Variants in MAPK10 observed in about 807,000 individuals in gnomAD.
The protein encoded by MAPK10 is JNK3 alpha protein kinase.
MAPK10 carries 25 observed loss-of-function variants against 59.3 expected under a neutral mutation model. That is an observed-to-expected ratio of 0.42 (90% confidence interval 0.31 to 0.59). The LOEUF is 0.59. Ranked by LOEUF, MAPK10 falls within the 20% of genes least tolerant of loss-of-function variation. MAPK10 has a pLI of 0.15. For missense variants in MAPK10, 351 were observed against 568.9 expected, an observed-to-expected ratio of 0.62 and a Z score of 3.90; for synonymous variants, 190 against 200.5, an observed-to-expected ratio of 0.95 and a Z score of 0.44.
At position 86,276,024 on chromosome 4, in the gene MAPK10, T is replaced by C. The variant is rs146989133; in HGVS notation, c.-7+78506A>G. Among the ~76,000 whole-genome samples the C allele has an allele frequency of 5.8e-3, 887 of 152,248 alleles. 8 individuals carry two copies. The highest frequency in any genetic ancestry group is 0.02 in the African/African-American group (835 of 41,580). On this transcript the variant is annotated intron_variant, in intron 2 of 13. Coordinates refer to ENST00000641462, the MANE Select transcript of MAPK10 (RefSeq NM_138982.4). ...GAATCCACAAGTTGTTTAATAAGTA[T>C]TGTAACATTGAAAACATACTTTTGA...
intron 1 of MAPK10, among the ~76,000 whole-genome samples, chr4:86,530,882 C>G (rs1757800449): frequency 6.6e-6 from 1 of 152,096 alleles, no homozygotes; most frequent in Non-Finnish European, 1.5e-5. Flanking sequence ...ACAGAAATGT[C>G]TTTTTTGAAC....
At chr4:86,456,133 A>C (rs1379369011), upstream of MAPK10, among the ~76,000 whole-genome samples, 1 of 152,192 alleles carries the variant, frequency 6.6e-6, no homozygotes, top group Non-Finnish European at 1.5e-5. Flanking sequence ...ACAACCTTTC[A>C]AAACCTCTGG....
chr4:86,581,349 G>T (rs1479536671), intron 1 of MAPK10, among the ~76,000 whole-genome samples: 4 of 151,658 alleles, frequency 2.6e-5, no homozygotes, highest in Non-Finnish European at 5.9e-5. Context: ...AATAATAAAA[G>T]TAAATTCAAT....
intron 4 of MAPK10, among the ~76,000 whole-genome samples, chr4:86,144,454 T>C (rs1016304938): frequency 6.6e-6 from 1 of 152,044 alleles, no homozygotes; most frequent in Admixed American, 6.6e-5. Context: ...AGTTAAAGAG[T>C]ATAGAAGAAC....
At chr4:86,349,230 C>T (rs1249315142) in intron 2 of MAPK10, among the ~76,000 whole-genome samples, 1 of 152,206 alleles carries the variant, frequency 6.6e-6, no homozygotes, top group Non-Finnish European at 1.5e-5. Context: ...GACTCTCTGC[C>T]AGGCTGCCTT....
chr4:86,081,980 A>G (rs572620659), intron 9 of MAPK10: 28 of 152,316 alleles, frequency 1.8e-4, no homozygotes, highest in African/African-American at 6.5e-4. Flanking sequence ...TCAGCAATGA[A>G]AATGAGTTAA....
At chr4:86,172,377 T>C (rs2074459998) in intron 3 of MAPK10, among the ~76,000 whole-genome samples, 1 of 149,616 alleles carries the variant, frequency 6.7e-6, no homozygotes, top group African/African-American at 2.5e-5. Context: ...ATATACACCA[T>C]GGAATACTAT....
At chr4:86,048,863 T>C (rs1258385835) in intron 11 of MAPK10, among the ~76,000 whole-genome samples, 1 of 152,112 alleles carries the variant, frequency 6.6e-6, no homozygotes, top group Non-Finnish European at 1.5e-5. Context: ...TATACATACT[T>C]TTTGTTACAA....
intron 1 of MAPK10, among the ~76,000 whole-genome samples, chr4:86,584,001 G>T (rs767821721): frequency 7.9e-5 from 12 of 152,154 alleles, no homozygotes; most frequent in Non-Finnish European, 1.3e-4. Flanking sequence ...TTGGTTAAAA[G>T]ACAGGTAATG....
intron 1 of MAPK10, among the ~76,000 whole-genome samples, chr4:86,577,219 G>A (rs1439292658): frequency 6.6e-6 from 1 of 152,078 alleles, no homozygotes; most frequent in Non-Finnish European, 1.5e-5. Context: ...GCTGAGGTAG[G>A]AGGATTGCTT....
At chr4:86,425,834 G>A (rs1336323574) in intron 1 of MAPK10, among the ~76,000 whole-genome samples, 1 of 152,164 alleles carries the variant, frequency 6.6e-6, no homozygotes, top group African/African-American at 2.4e-5. Context: ...AGCTGGGCAT[G>A]GTGGCACATG....
chr4:86,416,252 C>A (rs1283829083), intron 1 of MAPK10, among the ~76,000 whole-genome samples: 1 of 152,206 alleles, frequency 6.6e-6, no homozygotes, highest in Non-Finnish European at 1.5e-5. Flanking sequence ...CATCTGCAAG[C>A]CAAGGAGAGA....
At chr4:86,384,874 CTAAA>C (rs1213231328) in intron 1 of MAPK10, among the ~76,000 whole-genome samples, 5 of 151,942 alleles carry the variant, frequency 3.3e-5, no homozygotes, top group African/African-American at 1.2e-4. Flanking sequence ...CAACTTTCAT[CTAAA>C]CTAGAGAGAA....
chr4:86,394,341 T>C (rs1742638033), intron 1 of MAPK10, among the ~76,000 whole-genome samples: 1 of 152,000 alleles, frequency 6.6e-6, no homozygotes, highest in Non-Finnish European at 1.5e-5. Context: ...CAAATAAAAA[T>C]ATGTCATACT....
At chr4:86,534,783 G>C (rs1033347772) in intron 1 of MAPK10, among the ~76,000 whole-genome samples, 2 of 152,032 alleles carry the variant, frequency 1.3e-5, no homozygotes, top group African/African-American at 4.8e-5. Context: ...GCACACACCT[G>C]TAATCCCAGC....
chr4:86,065,786 C>A (rs945757884), intron 10 of MAPK10, among the ~76,000 whole-genome samples: 2 of 152,104 alleles, frequency 1.3e-5, no homozygotes, highest in Non-Finnish European at 2.9e-5. Flanking sequence ...TTTATTCTAA[C>A]TATATGGTAA....
chr4:86,561,723 G>A (rs1220342440), intron 1 of MAPK10, among the ~76,000 whole-genome samples: 1 of 152,186 alleles, frequency 6.6e-6, no homozygotes, highest in East Asian at 1.9e-4. Context: ...GATAATTAAG[G>A]AGGTTATTTA....
chr4:86,483,462 A>G (rs1374734438), intron 1 of MAPK10, among the ~76,000 whole-genome samples: 1 of 152,184 alleles, frequency 6.6e-6, no homozygotes, highest in Admixed American at 6.5e-5. Context: ...CAAACTAGAG[A>G]GACTTCATGA....
Position 86,417,327 on chromosome 4 carries a change from A to G in MAPK10, c.-122+35703T>C, listed in dbSNP as rs528956890. On this transcript the variant is annotated intron_variant, in intron 1 of 13. Coordinates refer to the MAPK10 transcript ENST00000361569. ...TAAGTATGGCTCAGTTTTTTTATTG[A>G]TATTGTTTATTTACATTTAATTGTT... Among the ~76,000 whole-genome samples the G allele has an allele frequency of 1.2e-4, 18 of 152,040 alleles. 1 individual carries two copies. The South Asian group carries it at 3.7e-3, about 32-fold the overall frequency.
Sources: allele counts gnomAD v4.1 joint callset (sites outside exome capture counted in the v4.1 genomes callset), GRCh38; gene constraint gnomAD v4.1.1; transcripts MANE v1.5; gene names NCBI Gene and HGNC (gene_info 2026-07-23, HGNC 2026-07-21).